FBXO4: variants seen among roughly 807,000 people sequenced by gnomAD.
FBXO4 encodes the protein F-box only protein 4.
In FBXO4, 36 loss-of-function variants were observed where a neutral mutation model predicts 43.7. The observed-to-expected ratio is 0.82, with a 90% CI of 0.63 to 1.09. The LOEUF (loss-of-function observed/expected upper bound fraction) is 1.09. FBXO4 is among the 50% of genes least tolerant of loss of function. The probability of loss-of-function intolerance (pLI) is 0.00; values close to 1 mark genes in which losing one functional copy is unlikely to be tolerated. For missense variants in FBXO4, 435 were observed against 474.1 expected (o/e 0.92, Z 0.77); for synonymous variants, 180 against 165.6 (o/e 1.09, Z -0.67).
the FBXO4 span, among the ~76,000 whole-genome samples, chr5:41,961,751 G>C: frequency 6.6e-6 from 1 of 152,178 alleles, no homozygotes; most frequent in Non-Finnish European, 1.5e-5. Context: ...ATGGTTGGGA[G>C]AGGTGTCAGC....
chr5:41,930,493 A>ATC (rs1314852580), intron 3 of FBXO4, among the ~76,000 whole-genome samples: 3 of 152,228 alleles, frequency 2.0e-5, no homozygotes, highest in Non-Finnish European at 4.4e-5. Flanking sequence ...ACAAGTGTAC[A>ATC]GATAACTAGA....
chr5:41,956,387 T>C, the FBXO4 span, among the ~76,000 whole-genome samples: 10 of 152,310 alleles, frequency 6.6e-5, no homozygotes, highest in African/African-American at 2.4e-4. Flanking sequence ...AACTTGAAGA[T>C]GCAGCAAATA....
At chr5:41,997,589 G>C in the FBXO4 span, among the ~76,000 whole-genome samples, 3 of 152,042 alleles carry the variant, frequency 2.0e-5, no homozygotes, top group African/African-American at 7.2e-5. Flanking sequence ...ATGAGTCCAG[G>C]GACACACTGG....
At chr5:41,964,288 G>A in the FBXO4 span, among the ~76,000 whole-genome samples, 1 of 151,644 alleles carries the variant, frequency 6.6e-6, no homozygotes, top group Non-Finnish European at 1.5e-5. Context: ...TGCTTTCTTT[G>A]TAAATGCAAA....
At chr5:41,949,768 G>A in the FBXO4 span, among the ~76,000 whole-genome samples, 1 of 152,198 alleles carries the variant, frequency 6.6e-6, no homozygotes, top group South Asian at 2.1e-4. Context: ...ACAATCCCAA[G>A]CAAAAAGAAC....
At chr5:42,002,839 A>G in the FBXO4 span, among the ~76,000 whole-genome samples, 1 of 152,166 alleles carries the variant, frequency 6.6e-6, no homozygotes, top group Middle Eastern at 3.2e-3. Context: ...GATAATATAA[A>G]TTTTTCTTCA....
At chr5:42,034,689 T>C in the FBXO4 span, among the ~76,000 whole-genome samples, 1 of 152,198 alleles carries the variant, frequency 6.6e-6, no homozygotes, top group Non-Finnish European at 1.5e-5. Context: ...TATGGTGTTA[T>C]TTCTGACATC....
chr5:41,956,710 T>C, the FBXO4 span, among the ~76,000 whole-genome samples: 3 of 148,544 alleles, frequency 2.0e-5, no homozygotes, highest in Non-Finnish European at 1.5e-5. Context: ...TTTTTTCTTC[T>C]TCTTTTTTTT....
chr5:41,985,573 A>C, the FBXO4 span, among the ~76,000 whole-genome samples: 1 of 152,174 alleles, frequency 6.6e-6, no homozygotes, highest in South Asian at 2.1e-4. Flanking sequence ...AGAAAGGAAG[A>C]ATATAGGCTT....
chr5:42,018,252 T>A, the FBXO4 span, among the ~76,000 whole-genome samples: 2 of 151,478 alleles, frequency 1.3e-5, no homozygotes, highest in African/African-American at 2.4e-5. Context: ...TCAGAGCAAA[T>A]GTTTCAGATT....
chr5:42,017,298 T>A, the FBXO4 span, among the ~76,000 whole-genome samples: 1 of 151,992 alleles, frequency 6.6e-6, no homozygotes, highest in South Asian at 2.1e-4. Context: ...AAAATATTGA[T>A]ATCAAACGGA....
chr5:42,035,171 G>T, the FBXO4 span, among the ~76,000 whole-genome samples: 24 of 152,020 alleles, frequency 1.6e-4, no homozygotes, highest in Admixed American at 1.4e-3. Flanking sequence ...CATTGATTTT[G>T]TATCCTGAGA....
At chr5:41,971,595 C>T in the FBXO4 span, among the ~76,000 whole-genome samples, 3 of 151,884 alleles carry the variant, frequency 2.0e-5, no homozygotes, top group South Asian at 2.1e-4. Flanking sequence ...AAGACCACTC[C>T]ATAGGGTCAT....
At chr5:41,976,460 G>A in the FBXO4 span, among the ~76,000 whole-genome samples, 1,765 of 152,264 alleles carry the variant, frequency 0.012, 78 homozygotes, top group Admixed American at 0.074. Context: ...TAGGCATTGG[G>A]TAAACATTTC....
chr5:42,022,681 A>G, the FBXO4 span, among the ~76,000 whole-genome samples: 12,302 of 152,008 alleles, frequency 0.081, 631 homozygotes, highest in African/African-American at 0.14. Context: ...TTCCAAAGTG[A>G]GGTTGGATAT....
At chr5:41,966,656 G>C in the FBXO4 span, among the ~76,000 whole-genome samples, 31 of 152,114 alleles carry the variant, frequency 2.0e-4, no homozygotes, top group East Asian at 2.7e-3. Flanking sequence ...GTTACCAATC[G>C]ATACGTATAT....
At chr5:41,968,014 T>C in the FBXO4 span, 2 of 420,374 alleles carry the variant, frequency 4.8e-6, no homozygotes, top group South Asian at 3.8e-5. Context: ...GGCCACCTGC[T>C]CCTCCACCTC....
chr5:42,022,729 G>C, the FBXO4 span, among the ~76,000 whole-genome samples: 2 of 152,066 alleles, frequency 1.3e-5, no homozygotes, highest in Non-Finnish European at 2.9e-5. Context: ...ATAGTGGGTG[G>C]AGAAGTTGGG....
chr5:41,968,274 C>G, the FBXO4 span: 1 of 168,930 alleles, frequency 5.9e-6, no homozygotes, highest in African/African-American at 2.4e-5. Context: ...AAGGAACTGC[C>G]GCGAGGTGGA....
Sources: gnomAD v4.1 joint callset for allele counts (sites outside exome capture counted in the v4.1 genomes callset) on GRCh38, gnomAD v4.1.1 for gene constraint, MANE v1.5 for transcripts, NCBI Gene and HGNC (gene_info 2026-07-23, HGNC 2026-07-21) for gene names.